The following MECOM variants were observed in gnomAD, a reference collection of about 807,000 sequenced individuals.
MECOM encodes histone-lysine N-methyltransferase MECOM.
MECOM carries 13 observed loss-of-function variants against 116.3 expected under a neutral mutation model. The ratio of observed to expected loss-of-function variants is 0.11; its 90% CI spans 0.07 to 0.18. The LOEUF (loss-of-function observed/expected upper bound fraction) is 0.18. Ranked by LOEUF, MECOM falls within the 10% of genes least tolerant of loss-of-function variation. The pLI, the probability that MECOM is intolerant of heterozygous loss-of-function variation, is 1.00. For missense variants in MECOM, 1,299 were observed against 1,509.0 expected (o/e 0.86, Z 2.31); for synonymous variants, 528 against 535.2 (o/e 0.99, Z 0.19).
chr3:169,568,469 C>G (rs1763507343), intron 1 of MECOM, among the ~76,000 whole-genome samples: 2 of 152,288 alleles, frequency 1.3e-5, no homozygotes, highest in South Asian at 4.1e-4. Flanking sequence ...GATCCACTGG[C>G]TTGAAATTCT....
intron 2 of MECOM, among the ~76,000 whole-genome samples, chr3:169,201,728 C>T (rs1004685036): frequency 1.3e-5 from 2 of 152,068 alleles, no homozygotes; most frequent in South Asian, 2.1e-4. Context: ...CTTGGCTAAA[C>T]GATCGTACAT....
intron 2 of MECOM, chr3:169,149,429 G>C (rs538464316): frequency 1.6e-4 from 29 of 181,072 alleles, no homozygotes; most frequent in South Asian, 2.8e-4. Context: ...GGCTTCGGGT[G>C]GGGGGAGGCG....
intron 1 of MECOM, among the ~76,000 whole-genome samples, chr3:169,404,565 C>G (rs1736373441): frequency 6.6e-6 from 1 of 152,178 alleles, no homozygotes; most frequent in Admixed American, 6.5e-5. Context: ...ACACTGTTGC[C>G]TATGGGGATT....
At chr3:169,161,540 T>A (rs545980791) in intron 2 of MECOM, among the ~76,000 whole-genome samples, 18 of 152,130 alleles carry the variant, frequency 1.2e-4, no homozygotes, top group Non-Finnish European at 1.9e-4. Context: ...CACTCATTTA[T>A]CCTCTCCATG....
intron 3 of MECOM, chr3:169,133,793 G>A: frequency 2.1e-6 from 1 of 467,730 alleles, no homozygotes. Flanking sequence ...ATAAAATAAT[G>A]TGTGAGTTTG....
intron 2 of MECOM, among the ~76,000 whole-genome samples, chr3:169,286,303 G>C (rs971847720): frequency 6.6e-6 from 1 of 152,160 alleles, no homozygotes; most frequent in African/African-American, 2.4e-5. Flanking sequence ...TTCCTTCTAG[G>C]CAGCTTCCCC....
intron 3 of MECOM, among the ~76,000 whole-genome samples, chr3:169,135,488 T>A (rs1198383082): frequency 6.6e-6 from 1 of 151,960 alleles, no homozygotes; most frequent in Non-Finnish European, 1.5e-5. Context: ...ACAAGAAGAA[T>A]GGGGCCTATA....
At chr3:169,440,217 T>C (rs1743373674) in intron 1 of MECOM, among the ~76,000 whole-genome samples, 1 of 151,972 alleles carries the variant, frequency 6.6e-6, no homozygotes, top group South Asian at 2.1e-4. Context: ...TATATGTGTA[T>C]ATATATATTC....
intron 7 of MECOM, among the ~76,000 whole-genome samples, chr3:169,117,699 C>T (rs1729608399): frequency 6.6e-6 from 1 of 152,212 alleles, no homozygotes; most frequent in African/African-American, 2.4e-5. Context: ...GTGAAATATG[C>T]CTCTTTGCTA....
At chr3:169,241,122 T>C (rs1410833047) in intron 2 of MECOM, among the ~76,000 whole-genome samples, 1 of 152,182 alleles carries the variant, frequency 6.6e-6, no homozygotes, top group African/African-American at 2.4e-5. Flanking sequence ...ACCCTATTAT[T>C]AAGCAACAAT....
intron 1 of MECOM, among the ~76,000 whole-genome samples, chr3:169,606,265 T>G (rs1768533210): frequency 2.0e-5 from 3 of 151,924 alleles, no homozygotes; most frequent in African/African-American, 7.3e-5. Context: ...TACAAAAAAT[T>G]AGCCAGGTGT....
At chr3:169,618,103 C>G (rs1046084347) in intron 1 of MECOM, among the ~76,000 whole-genome samples, 1 of 152,206 alleles carries the variant, frequency 6.6e-6, no homozygotes, top group Non-Finnish European at 1.5e-5. Flanking sequence ...GAGATCACAA[C>G]TTCAGATCTA....
chr3:169,193,744 T>G (rs774329849), intron 2 of MECOM, among the ~76,000 whole-genome samples: 14 of 152,014 alleles, frequency 9.2e-5, no homozygotes, highest in Non-Finnish European at 1.9e-4. Context: ...ATCACCTATT[T>G]CAAAAGTTTT....
intron 2 of MECOM, among the ~76,000 whole-genome samples, chr3:169,149,967 GTGTGTGTGTGTC>G (rs1435078333): frequency 2.9e-3 from 437 of 149,378 alleles, no homozygotes; most frequent in Non-Finnish European, 4.3e-3. Flanking sequence ...GTGTGTGTGT[GTGTGTGTGTGTC>G]TGTCTGTCTG....
chr3:169,623,035 G>A (rs374662616), intron 1 of MECOM, among the ~76,000 whole-genome samples: 1 of 152,198 alleles, frequency 6.6e-6, no homozygotes, highest in East Asian at 1.9e-4. Context: ...CACAGAACTA[G>A]GAGAGAAATC....
intron 1 of MECOM, among the ~76,000 whole-genome samples, chr3:169,480,539 T>C (rs1751130968): frequency 1.3e-5 from 2 of 152,202 alleles, no homozygotes; most frequent in African/African-American, 2.4e-5. Flanking sequence ...GTACCATTTA[T>C]AATACCTCTT....
chr3:169,575,415 G>A (rs938566046), intron 1 of MECOM, among the ~76,000 whole-genome samples: 1 of 152,148 alleles, frequency 6.6e-6, no homozygotes, highest in Non-Finnish European at 1.5e-5. Flanking sequence ...CAGGCACTCC[G>A]AAGACTGGCA....
intron 1 of MECOM, among the ~76,000 whole-genome samples, chr3:169,479,190 C>T (rs9820408): frequency 0.13 from 19,318 of 151,864 alleles, 1,386 homozygotes; most frequent in African/African-American, 0.17. Flanking sequence ...GCAAATCTAA[C>T]ATACGCTAGG....
At chr3:169,263,375 G>A (rs1211834679) in intron 2 of MECOM, among the ~76,000 whole-genome samples, 3 of 151,268 alleles carry the variant, frequency 2.0e-5, no homozygotes, top group African/African-American at 4.9e-5. Context: ...TGATCTGCCC[G>A]CCTTGGCCTC....
Sources: allele counts gnomAD v4.1 joint callset (sites outside exome capture counted in the v4.1 genomes callset), GRCh38; gene constraint gnomAD v4.1.1; transcripts MANE v1.5; gene names NCBI Gene and HGNC (gene_info 2026-07-23, HGNC 2026-07-21).